RNF19A: variants seen among roughly 807,000 people sequenced by gnomAD.
RNF19A encodes the protein E3 ubiquitin-protein ligase RNF19A.
Under a neutral mutation model 75.7 loss-of-function variants are expected in RNF19A, and 32 were observed. The observed-to-expected ratio is 0.42, with a 90% CI of 0.32 to 0.57. The LOEUF is 0.57. Ranked by LOEUF, RNF19A falls within the 20% of genes least tolerant of loss-of-function variation. RNF19A has a pLI of 0.10. For missense variants in RNF19A, 782 were observed against 1,036.3 expected (o/e 0.75, Z 3.37); for synonymous variants, 335 against 345.2 (o/e 0.97, Z 0.33).
chr8:100,267,516 C>A (rs1820039982), intron 5 of RNF19A, among the ~76,000 whole-genome samples: 1 of 151,904 alleles, frequency 6.6e-6, no homozygotes, highest in Non-Finnish European at 1.5e-5. Flanking sequence ...ACTACAGGTG[C>A]ATACTACCAT....
chr8:100,259,701 A>G lies in RNF19A; in HGVS notation c.1826+153T>C, dbSNP rs1819623138. Among the ~76,000 whole-genome samples, 1 of 152,210 alleles carries G rather than the reference A, an allele frequency of 6.6e-6. No individual in the cohort carries two copies. The highest frequency in any genetic ancestry group is 1.5e-5 in the Non-Finnish European group (1 of 68,038). On this transcript the variant is annotated intron_variant, in intron 9 of 9. Transcript: ENST00000341084. The surrounding 1 kb of genome is among the most constrained non-coding windows in gnomAD (Gnocchi z 4.5). Reference sequence around the variant, plus strand: ...CAACCACAAATCCACTTTATGATCTATACAGATTTGCCTACTCTGGACAGC... The same window carrying G: ...CAACCACAAATCCACTTTATGATCTGTACAGATTTGCCTACTCTGGACAGC...
At chr8:100,293,506 T>C (rs993941731) in intron 1 of RNF19A, among the ~76,000 whole-genome samples, 2 of 152,222 alleles carry the variant, frequency 1.3e-5, no homozygotes, top group Non-Finnish European at 2.9e-5. Flanking sequence ...TGTGTCTTTT[T>C]TTCCTTTGCT....
intron 1 of RNF19A, among the ~76,000 whole-genome samples, chr8:100,288,931 G>A (rs1005703440): frequency 7.2e-5 from 11 of 151,918 alleles, no homozygotes; most frequent in African/African-American, 2.7e-4. Context: ...GTGGTGGCGG[G>A]CCCCTGTAGT....
Position 100,257,701 on chromosome 8 carries a change from A to C in RNF19A, c.*855T>G, listed in dbSNP as rs368869015. 87 of 273,222 alleles carry C rather than the reference A, an allele frequency of 3.2e-4. No homozygotes were observed. Among genetic ancestry groups the C allele is most frequent in the African/African-American group, 1.2e-3 (56 of 45,898 alleles). 16.9% of individuals were successfully genotyped at this position (273,222 alleles called of 1,614,324 possible). On this transcript the variant is annotated 3_prime_UTR_variant, in exon 10 of 10. Coordinates refer to ENST00000341084, the MANE Select transcript of RNF19A (RefSeq NM_183419.4). ...GTGACCAGAGAAGACATGGAAAACA[A>C]CACAGCAAAATCCTCAAATAACTAG...
At chr8:100,265,649 G>C (rs1038850350) in intron 5 of RNF19A, among the ~76,000 whole-genome samples, 1 of 152,130 alleles carries the variant, frequency 6.6e-6, no homozygotes, top group Non-Finnish European at 1.5e-5. Context: ...CAATACTACA[G>C]ATGGGACTTA....
Position 100,259,175 on chromosome 8 carries a change from C to T in RNF19A, c.1898G>A (p.Ser633Asn). The T allele has an allele frequency of 6.2e-7, 1 of 1,614,118 alleles. No individual in the cohort carries two copies. Among genetic ancestry groups the T allele is most frequent in the South Asian group, 1.1e-5 (1 of 91,084 alleles). ...KPSKFRHNSG[S>N]SSVDDGSATR... ...GGCACTGCCATCATCCACACTACTGCTTCCACTGTTGTGCCTGAATTTGGA... is the reference window on the plus strand; with the variant it reads ...GGCACTGCCATCATCCACACTACTGTTTCCACTGTTGTGCCTGAATTTGGA... Residue 633 changes from serine (S) to asparagine (N), a missense_variant, in exon 10 of 10, where the codon AGC becomes AAC. By Grantham distance (46) the Ser-to-Asn change is conservative. Coordinates refer to ENST00000341084, the MANE Select transcript of RNF19A (RefSeq NM_183419.4). This position sits in a 1 kb window ranked among gnomAD's most constrained non-coding sequence, Gnocchi z 4.5.
At chr8:100,312,250 GC>G (rs756079236), upstream of RNF19A, 1 of 152,216 alleles carries the variant, frequency 6.6e-6, no homozygotes, top group Non-Finnish European at 1.5e-5. Context: ...TGTCCACGTT[GC>G]ACCCAACAAT....
At chr8:100,301,614 A>G (rs1487375380) in intron 1 of RNF19A, among the ~76,000 whole-genome samples, 1 of 152,152 alleles carries the variant, frequency 6.6e-6, no homozygotes, top group Non-Finnish European at 1.5e-5. Flanking sequence ...TTCCATCTTC[A>G]CTGCTAGTCC....
intron 5 of RNF19A, among the ~76,000 whole-genome samples, chr8:100,267,157 C>T (rs994257354): frequency 1.3e-5 from 2 of 152,164 alleles, no homozygotes; most frequent in Non-Finnish European, 2.9e-5. Flanking sequence ...TCCCAAATAG[C>T]TACTGAAACT....
intron 2 of RNF19A, among the ~76,000 whole-genome samples, chr8:100,280,284 ATATCC>A: frequency 6.6e-6 from 1 of 152,218 alleles, no homozygotes; most frequent in Non-Finnish European, 1.5e-5. Flanking sequence ...TGGTCAAAAT[ATATCC>A]CCCAAACTAG....
In RNF19A at chr8:100,275,195, A is replaced by G; in HGVS notation, c.675-34T>C. 6.3e-7 allele frequency: 1 copy of G among 1,581,242 alleles called. No individual in the cohort carries two copies. Among genetic ancestry groups the G allele is most frequent in the Non-Finnish European group, 8.7e-7 (1 of 1,151,134 alleles). ...AACAAGAAAAATGATTTAAAATGTG[A>G]CATAAAACAAGAGATACTCATTTCA... On this transcript the variant is annotated intron_variant, in intron 2 of 9. Transcript: ENST00000341084. This position sits in a 1 kb window ranked among gnomAD's most constrained non-coding sequence, Gnocchi z 4.3.
In RNF19A at chr8:100,269,634, ATACT is replaced by A. The variant is rs1409140507; in HGVS notation, c.1028+231_1028+234del. ...CTAGCATAATTACACAGGGTATTACATACTTACTAGCATTCTAGTTTAACAAAAA... is the reference window on the plus strand; with the variant it reads ...CTAGCATAATTACACAGGGTATTACATACTAGCATTCTAGTTTAACAAAAA... On this transcript the variant is annotated intron_variant, in intron 4 of 9. Transcript: ENST00000341084. This position sits in a 1 kb window ranked among gnomAD's most constrained non-coding sequence, Gnocchi z 5.7. Among the ~76,000 whole-genome samples, 1 of 152,202 alleles carries A rather than the reference ATACT, an allele frequency of 6.6e-6. No homozygotes were observed. The highest frequency in any genetic ancestry group is 2.4e-5 in the African/African-American group (1 of 41,462).
At chr8:100,318,884 G>A (rs1173869775) in intron 1 of RNF19A, among the ~76,000 whole-genome samples, 2 of 152,200 alleles carry the variant, frequency 1.3e-5, no homozygotes, top group Non-Finnish European at 2.9e-5. Context: ...TCAGATTTGG[G>A]AATGCACAGT....
At chr8:100,285,796 T>C (rs995060469) in intron 2 of RNF19A, among the ~76,000 whole-genome samples, 22 of 152,036 alleles carry the variant, frequency 1.4e-4, no homozygotes, top group African/African-American at 3.9e-4. Flanking sequence ...CCACGCCCAG[T>C]TGTAGATTTT....
At chr8:100,286,848 CAATA>C (rs1821044816) in intron 2 of RNF19A, among the ~76,000 whole-genome samples, 1 of 152,002 alleles carries the variant, frequency 6.6e-6, no homozygotes, top group Non-Finnish European at 1.5e-5. Context: ...CAACTGTACA[CAATA>C]AATACTCTAT....
At chr8:100,300,530 G>A (rs1366030132) in intron 1 of RNF19A, 1 of 152,206 alleles carries the variant, frequency 6.6e-6, no homozygotes, top group Non-Finnish European at 1.5e-5. Context: ...GTGCACACCT[G>A]TAGTCCTAGC....
rs1820435100 is a variant in RNF19A at position 100,274,992 on chromosome 8, A to T, written c.844T>A (p.Ser282Thr). 22 of 1,614,134 alleles carry T rather than the reference A, an allele frequency of 1.4e-5. No homozygotes were observed. The highest frequency in any genetic ancestry group is 1.9e-5 in the Non-Finnish European group (22 of 1,179,992). ...AQSLRLRTIR[S>T]SSISYSQESG... ...TCTTGACTATAACTAATGGATGAAGAACGTATAGTTCTCAAACGTAAGCTC... is the reference window on the plus strand; with the variant it reads ...TCTTGACTATAACTAATGGATGAAGTACGTATAGTTCTCAAACGTAAGCTC... The change falls in exon 3 of 10, where the codon TCT (serine) becomes ACT (threonine). Residue 282 changes from serine to threonine, a missense_variant. Physicochemically the swap from Ser to Thr is moderately conservative, Grantham distance 58 (BLOSUM62 1). This residue lies in a region of RNF19A where 34 missense variants were observed against 25.2 expected (regional missense o/e 1.35). Transcript: ENST00000341084.
upstream of RNF19A, chr8:100,310,020 T>C (rs1032363716): frequency 9.1e-6 from 9 of 983,892 alleles, no homozygotes; most frequent in Non-Finnish European, 1.1e-5. Flanking sequence ...AGGGGAGGAG[T>C]CCCGACGGCC....
intron 2 of RNF19A, among the ~76,000 whole-genome samples, chr8:100,279,364 G>GGTTTT (rs533092214): frequency 2.0e-5 from 3 of 151,904 alleles, no homozygotes; most frequent in Admixed American, 6.6e-5. Context: ...TTGATTGCCA[G>GGTTTT]GTTTTGTTTT....
Sources: gnomAD v4.1 joint callset for allele counts (sites outside exome capture counted in the v4.1 genomes callset) on GRCh38, gnomAD v4.1.1 for gene constraint, gnomAD v4.1.1 regional missense constraint, Gnocchi (gnomAD v3.1) non-coding constraint, MANE v1.5 for transcripts, NCBI Gene and HGNC (gene_info 2026-07-23, HGNC 2026-07-21) for gene names.